The following CCDC191 variants were observed in gnomAD, a reference collection of about 807,000 sequenced individuals.
CCDC191 encodes the protein coiled-coil domain containing 191.
Under a neutral mutation model 114.0 loss-of-function variants are expected in CCDC191, and 99 were observed. The ratio of observed to expected loss-of-function variants is 0.87; its 90% CI spans 0.74 to 1.03. The LOEUF (loss-of-function observed/expected upper bound fraction) is 1.03. Ranked by LOEUF, CCDC191 falls within the 50% of genes least tolerant of loss-of-function variation. The probability of loss-of-function intolerance (pLI) is 0.00; values close to 1 mark genes in which losing one functional copy is unlikely to be tolerated. For synonymous variants in CCDC191, 351 were observed against 376.0 expected (o/e 0.93, Z 0.77); for missense variants, 973 against 1,087.0 (o/e 0.90, Z 1.47).
In CCDC191 at chr3:114,042,810, A is replaced by C. The variant is rs771278181; in HGVS notation, c.308T>G (p.Leu103Arg). The C allele has an allele frequency of 6.2e-7, 1 of 1,602,242 alleles. No individual in the cohort carries two copies. Among genetic ancestry groups the C allele is most frequent in the Non-Finnish European group, 8.5e-7 (1 of 1,175,876 alleles). ...TTCCTCACTTGCTAATTCTTGCTTA[A>C]GTTTGGTGTCTAACCAGTCATTGAC... ...ELVNDWLDTK[L>R]KQELASEEEG... The change falls in exon 4 of 17, where the codon CTT becomes CGT. Residue 103 changes from leucine (L) to arginine (R), a missense_variant. Transcript: ENST00000295878.
intron 16 of CCDC191, among the ~76,000 whole-genome samples, chr3:113,969,613 C>A (rs1037775074): frequency 6.6e-6 from 1 of 152,056 alleles, no homozygotes; most frequent in African/African-American, 2.4e-5. Context: ...GTGTCCTTTC[C>A]CCATTTTATG....
At chr3:113,995,260 C>G (rs2075688373) in intron 13 of CCDC191, among the ~76,000 whole-genome samples, 1 of 152,120 alleles carries the variant, frequency 6.6e-6, no homozygotes, top group Admixed American at 6.5e-5. Flanking sequence ...GACTTCAGCA[C>G]TCCACAATAT....
At chr3:114,046,547 C>G in intron 3 of CCDC191, 44 bp downstream of exon 3, 1 of 1,184,740 alleles carries the variant, frequency 8.4e-7, no homozygotes, top group Non-Finnish European at 1.3e-6. Flanking sequence ...ATGGGTTATG[C>G]TTTAAGAATT....
chr3:113,965,755 A>AATT (rs1940079304), intron 16 of CCDC191, among the ~76,000 whole-genome samples: 1 of 151,696 alleles, frequency 6.6e-6, no homozygotes, highest in African/African-American at 2.4e-5. Flanking sequence ...ATGCCTGGCT[A>AATT]ATTTTTTTTT....
Position 114,036,719 on chromosome 3 carries a change from G to T in CCDC191, c.483C>A (p.Leu161=), listed in dbSNP as rs367564103. ...TTVQKFIDHL[L]HKNVVDSAMM... ...TTGCAGAATCTACCACATTTTTATGGAGCAGATGGTCTATAAATTTTTGAA... is the reference window on the plus strand; with the variant it reads ...TTGCAGAATCTACCACATTTTTATGTAGCAGATGGTCTATAAATTTTTGAA... Residue 161 remains leucine, a synonymous_variant, in exon 5 of 17, where the codon CTC becomes CTA. Transcript: ENST00000295878. 46 of 1,593,604 alleles carry T rather than the reference G, an allele frequency of 2.9e-5. No individual in the cohort carries two copies. The highest frequency in any genetic ancestry group is 3.9e-5 in the Non-Finnish European group (46 of 1,168,810).
chr3:113,982,366 G>A lies in CCDC191; in HGVS notation c.2164-1573C>T, dbSNP rs557362513. ...TATTAAGGGTTCCTCGATAGAACTG[G>A]TTGTATTTCATTAATATTACCACAT... is the stretch of plus-strand genomic sequence containing the variant. On this transcript the variant is annotated intron_variant, in intron 13 of 16. Coordinates refer to ENST00000295878, the MANE Select transcript of CCDC191 (RefSeq NM_020817.2). Among the ~76,000 whole-genome samples, 5 of 152,130 alleles carry A rather than the reference G, an allele frequency of 3.3e-5. No individual in the cohort carries two copies. In the South Asian group the frequency reaches 1.0e-3, roughly 32 times the overall value.
At chr3:114,009,778 T>G (rs2076036436) in intron 9 of CCDC191, among the ~76,000 whole-genome samples, 1 of 152,224 alleles carries the variant, frequency 6.6e-6, no homozygotes, top group Non-Finnish European at 1.5e-5. Context: ...TATGTGCAGA[T>G]TTAGCTACTA....
chr3:114,046,854 T>G, intron 2 of CCDC191, 122 bp from the exon 3 acceptor site: 1 of 1,394,052 alleles, frequency 7.2e-7, no homozygotes, highest in Non-Finnish European at 9.3e-7. Flanking sequence ...ATTTTTCCAT[T>G]TTTGGAGAAA....
intron 7 of CCDC191, among the ~76,000 whole-genome samples, chr3:114,023,706 CAAGATGGATTA>C (rs1426965693): frequency 6.6e-6 from 1 of 152,126 alleles, no homozygotes; most frequent in African/African-American, 2.4e-5. Context: ...AAAATTAATT[CAAGATGGATTA>C]AAGACTTAAA....
chr3:113,988,517 T>C (rs1157532517), intron 13 of CCDC191, among the ~76,000 whole-genome samples: 1 of 147,812 alleles, frequency 6.8e-6, no homozygotes, highest in African/African-American at 2.5e-5. Flanking sequence ...TCCCAGCTAC[T>C]CAGAAGGCTG....
At chr3:114,032,572 C>CCAGCTAGT (rs2076422149) in intron 6 of CCDC191, among the ~76,000 whole-genome samples, 1 of 152,172 alleles carries the variant, frequency 6.6e-6, no homozygotes, top group Non-Finnish European at 1.5e-5. Flanking sequence ...TGGCCACAAA[C>CCAGCTAGT]CAGCTAGTCA....
intron 7 of CCDC191, among the ~76,000 whole-genome samples, chr3:114,019,781 T>C (rs2076218478): frequency 6.6e-6 from 1 of 152,178 alleles, no homozygotes; most frequent in Non-Finnish European, 1.5e-5. Context: ...TTTTCTGCCT[T>C]CTTTCTGCCT....
intron 13 of CCDC191, among the ~76,000 whole-genome samples, chr3:113,982,714 T>G (rs1022621571): frequency 1.3e-5 from 2 of 152,082 alleles, no homozygotes; most frequent in Non-Finnish European, 2.9e-5. Flanking sequence ...ACTCTCCCTT[T>G]GTGCTCTAGA....
At chr3:114,045,786 T>C (rs2076621427) in intron 3 of CCDC191, among the ~76,000 whole-genome samples, 1 of 152,138 alleles carries the variant, frequency 6.6e-6, no homozygotes, top group African/African-American at 2.4e-5. Flanking sequence ...GCTTCCCCCA[T>C]CACATTGTTC....
intron 3 of CCDC191, among the ~76,000 whole-genome samples, chr3:114,045,866 A>G (rs2076622792): frequency 6.6e-6 from 1 of 152,146 alleles, no homozygotes; most frequent in South Asian, 2.1e-4. Context: ...ATCACTGTAA[A>G]ATTTTCTTTA....
At chr3:113,982,988 G>A (rs1308640855) in intron 13 of CCDC191, among the ~76,000 whole-genome samples, 1 of 151,910 alleles carries the variant, frequency 6.6e-6, no homozygotes, top group East Asian at 1.9e-4. Flanking sequence ...CTGTACTCAT[G>A]GTCTCTAGTT....
In CCDC191 at chr3:114,053,645, A is replaced by T; in HGVS notation, c.91-10T>A. The T allele has an allele frequency of 6.4e-7, 1 of 1,561,588 alleles. No homozygotes were observed. Among genetic ancestry groups the T allele is most frequent in the Non-Finnish European group, 8.8e-7 (1 of 1,136,436 alleles). ...CAGGACCAAAAGTAGGCTGTAGATA[A>T]CATATATATGATATCAATACGCAGC... On this transcript the variant is annotated splice_polypyrimidine_tract_variant and intron_variant, in intron 1 of 16. Coordinates refer to ENST00000295878, the MANE Select transcript of CCDC191 (RefSeq NM_020817.2).
At chr3:114,009,722 A>C (rs751743349) in intron 9 of CCDC191, among the ~76,000 whole-genome samples, 13 of 152,228 alleles carry the variant, frequency 8.5e-5, no homozygotes, top group Admixed American at 4.6e-4. Flanking sequence ...TGAAAATAGA[A>C]CATGCATTCC....
At chr3:113,972,587 T>C (rs1940933617) in intron 16 of CCDC191, among the ~76,000 whole-genome samples, 1 of 152,168 alleles carries the variant, frequency 6.6e-6, no homozygotes, top group Non-Finnish European at 1.5e-5. Flanking sequence ...GTCAGACCTA[T>C]TTGGCCTGGT....
Sources: allele counts gnomAD v4.1 joint callset (sites outside exome capture counted in the v4.1 genomes callset), GRCh38; gene constraint gnomAD v4.1.1; transcripts MANE v1.5; gene names NCBI Gene and HGNC (gene_info 2026-07-23, HGNC 2026-07-21).